Variants in MIB1 observed in about 807,000 individuals in gnomAD.
MIB1 encodes the protein E3 ubiquitin-protein ligase MIB1.
A neutral mutation model predicts 124.5 loss-of-function variants in MIB1; 278 were observed. The ratio of observed to expected loss-of-function variants is 2.23; its 90% confidence interval spans 2.02 to 2.47. The LOEUF (loss-of-function observed/expected upper bound fraction) is 2.47. Among genes scored for constraint, MIB1 ranks in the 30% most tolerant of loss-of-function variants. The pLI, the probability that MIB1 is intolerant of heterozygous loss-of-function variation, is 0.00. For missense variants in MIB1, 957 were observed against 1,254.4 expected (o/e 0.76, Z 3.58); for synonymous variants, 446 against 429.4 (o/e 1.04, Z -0.48).
At chr18:21,792,536 T>A (rs1452075569) in intron 7 of MIB1, among the ~76,000 whole-genome samples, 1 of 152,204 alleles carries the variant, frequency 6.6e-6, no homozygotes, top group Non-Finnish European at 1.5e-5. Context: ...GTAGGTATTT[T>A]AGCACATATA....
At chr18:21,716,589 C>T (rs1216870662) in intron 1 of MIB1, among the ~76,000 whole-genome samples, 26 of 152,194 alleles carry the variant, frequency 1.7e-4, no homozygotes, top group Admixed American at 1.7e-3. Context: ...CGGTGGCTCA[C>T]GCCTGTAATC....
intron 1 of MIB1, among the ~76,000 whole-genome samples, chr18:21,707,623 C>T (rs925965120): frequency 6.6e-6 from 1 of 152,182 alleles, no homozygotes; most frequent in Admixed American, 6.5e-5. Context: ...ACTCCAAACA[C>T]ATCCGAAGAT....
chr18:21,868,310 C>T lies in MIB1; in HGVS notation c.*3644C>T, dbSNP rs2042334660. 1 of 152,560 alleles carries T rather than the reference C, an allele frequency of 6.6e-6. No homozygotes were observed. The highest frequency in any genetic ancestry group is 2.1e-4 in the South Asian group (1 of 4,836). The allele number at this position is 152,560 out of a possible 1,614,324, so 9.5% of individuals were successfully genotyped here. A position where few individuals can be genotyped will look rare whatever the true frequency, so the allele number is the denominator to read the frequency against. On this transcript the variant is annotated 3_prime_UTR_variant, in exon 21 of 21. Transcript: ENST00000261537. The stretch of plus-strand genomic sequence containing the variant: ...TCTCCTCAGTGGAATAGAATTTTGA[C>T]TCCATATAAATCAAGAAACACCTAA...
intron 1 of MIB1, among the ~76,000 whole-genome samples, chr18:21,708,059 C>T (rs561139773): frequency 6.6e-6 from 1 of 152,234 alleles, no homozygotes; most frequent in Non-Finnish European, 1.5e-5. Context: ...CTCGCCTAAA[C>T]CTAACTACAT....
At chr18:21,842,856 T>C (rs2042103482) in intron 13 of MIB1, among the ~76,000 whole-genome samples, 1 of 152,234 alleles carries the variant, frequency 6.6e-6, no homozygotes, top group Admixed American at 6.5e-5. Context: ...CTTTGAACTC[T>C]ACTGTGCTTT....
chr18:21,796,685 A>G (rs866462450), intron 7 of MIB1, among the ~76,000 whole-genome samples: 1 of 152,188 alleles, frequency 6.6e-6, no homozygotes, highest in South Asian at 2.1e-4. Context: ...ATGGTTTTCA[A>G]GCAGCCTTTC....
chr18:21,769,322 C>T (rs1865887821), intron 3 of MIB1, among the ~76,000 whole-genome samples: 1 of 152,150 alleles, frequency 6.6e-6, no homozygotes, highest in Non-Finnish European at 1.5e-5. Flanking sequence ...GTCATCATTA[C>T]ATAGTCCAAA....
At chr18:21,743,304 CT>C (rs1269626207) in intron 1 of MIB1, among the ~76,000 whole-genome samples, 1 of 152,194 alleles carries the variant, frequency 6.6e-6, no homozygotes, top group Non-Finnish European at 1.5e-5. Flanking sequence ...ACTTTCGTTT[CT>C]TTCACTAAAT....
Position 21,791,501 on chromosome 18 carries a change from GA to G in MIB1, c.1038del (p.Glu346AspfsTer21). ...GDLVQVCYDL[E>X]RIKLLQRGHG... ...TCTTGTACAAGTTTGTTATGACCTG[GA>G]ACGAATTAAACTTCTACAAAGAGGA... On this transcript the variant is annotated frameshift_variant, in exon 7 of 21. Transcript: ENST00000261537. LOFTEE classifies it high-confidence loss of function. 6.2e-7 allele frequency: 1 copy of G among 1,614,020 alleles called. No homozygotes were observed. The highest frequency in any genetic ancestry group is 8.5e-7 in the Non-Finnish European group (1 of 1,179,934).
chr18:21,843,563 G>A (rs926538402), intron 14 of MIB1, among the ~76,000 whole-genome samples: 1 of 152,150 alleles, frequency 6.6e-6, no homozygotes, highest in Non-Finnish European at 1.5e-5. Flanking sequence ...TATTTAGGGG[G>A]TTGTAGTTTA....
chr18:21,762,405 A>G (rs1020591365), intron 1 of MIB1, among the ~76,000 whole-genome samples: 2 of 152,230 alleles, frequency 1.3e-5, no homozygotes, highest in African/African-American at 2.4e-5. Context: ...TTATTAAACC[A>G]TGTTGTAGAA....
intron 3 of MIB1, among the ~76,000 whole-genome samples, chr18:21,770,691 T>C (rs1296066933): frequency 2.0e-5 from 3 of 152,138 alleles, no homozygotes; most frequent in African/African-American, 4.8e-5. Context: ...ACAAATATGA[T>C]TAAGTATACT....
intron 15 of MIB1, among the ~76,000 whole-genome samples, chr18:21,845,501 T>C (rs1267024224): frequency 1.3e-5 from 2 of 152,236 alleles, no homozygotes; most frequent in Non-Finnish European, 2.9e-5. Flanking sequence ...TTAGCTGTTA[T>C]GTTTAGGTCT....
rs755757947 is a variant in MIB1, at chr18:21,844,146, C to G, written c.2104C>G (p.Pro702Ala). 8 of 1,614,058 alleles carry G rather than the reference C, an allele frequency of 5.0e-6. No homozygotes were observed. The South Asian group carries it at 7.7e-5, about 16-fold the overall frequency. Residue 702 changes from proline (P) to alanine (A), a missense_variant, in exon 15 of 21, where the codon CCT becomes GCT. Physicochemically the swap from Pro to Ala is conservative, Grantham distance 27 (BLOSUM62 -1). Coordinates refer to ENST00000261537, the MANE Select transcript of MIB1 (RefSeq NM_020774.4). Reference protein sequence around the residue: ...LDIQDKDGDTPLHEALRHHTL... With the variant: ...LDIQDKDGDTALHEALRHHTL... ...TATTCAGGATAAGGATGGGGATACT[C>G]CTTTGCATGAAGCTCTAAGGCATCA...
At chr18:21,718,564 G>C (rs1314433397) in intron 1 of MIB1, among the ~76,000 whole-genome samples, 1 of 152,176 alleles carries the variant, frequency 6.6e-6, no homozygotes, top group African/African-American at 2.4e-5. Context: ...AAACACACAA[G>C]AGACATCAAG....
Position 21,865,448 on chromosome 18 carries a change from TAATTTATAC to T in MIB1, c.*784_*792del, listed in dbSNP as rs2042313384. The T allele has an allele frequency of 6.6e-6, 1 of 152,178 alleles. No individual in the cohort carries two copies. Among genetic ancestry groups the T allele is most frequent in the African/African-American group, 2.4e-5 (1 of 41,442 alleles). The allele number at this position is 152,178 out of a possible 1,614,324, so 9.4% of individuals were successfully genotyped here. A position where few individuals can be genotyped will look rare whatever the true frequency, so the allele number is the denominator to read the frequency against. On this transcript the variant is annotated 3_prime_UTR_variant, in exon 21 of 21. Coordinates refer to ENST00000261537, the MANE Select transcript of MIB1 (RefSeq NM_020774.4). The stretch of plus-strand genomic sequence containing the variant: ...CCACTAACAGTTGCCTTTCTTACAT[TAATTTATAC>T]ACTATTTTGTTCAGCCAGTGTTTTT...
chr18:21,839,847 T>C (rs572557859), intron 13 of MIB1, among the ~76,000 whole-genome samples: 1 of 152,208 alleles, frequency 6.6e-6, no homozygotes, highest in African/African-American at 2.4e-5. Flanking sequence ...TTGATTGCTC[T>C]TGCACATATT....
chr18:21,840,645 ATATATATATATATATATATAT>A (rs1200633425), intron 13 of MIB1, among the ~76,000 whole-genome samples: 98 of 2,104 alleles, frequency 0.047, no homozygotes, highest in Non-Finnish European at 0.13. Context: ...ATATATATAT[ATATATATATATATATATATAT>A]TTTTTTTTTT....
chr18:21,845,775 C>A (rs1436055696), intron 15 of MIB1, among the ~76,000 whole-genome samples: 1 of 152,058 alleles, frequency 6.6e-6, no homozygotes, highest in Non-Finnish European at 1.5e-5. Context: ...AGGTGCACAC[C>A]ACCACACCTG....
Sources: gnomAD v4.1 joint callset for allele counts (sites outside exome capture counted in the v4.1 genomes callset) on GRCh38, gnomAD v4.1.1 for gene constraint, MANE v1.5 for transcripts, NCBI Gene and HGNC (gene_info 2026-07-23, HGNC 2026-07-21) for gene names.